SENP2: variants seen among roughly 807,000 people sequenced by gnomAD.
SENP2 encodes the protein SUMO specific peptidase 2, also known as sentrin-specific protease 2.
SENP2 carries 16 observed loss-of-function variants against 86.3 expected under a neutral mutation model. The ratio of observed to expected loss-of-function variants is 0.19; its 90% CI spans 0.13 to 0.28. The LOEUF is 0.28. Ranked by LOEUF, SENP2 falls within the 10% of genes least tolerant of loss-of-function variation. The probability of loss-of-function intolerance (pLI) is 1.00; values close to 1 mark genes in which losing one functional copy is unlikely to be tolerated. For missense variants in SENP2, 552 were observed against 703.0 expected (o/e 0.79, Z 2.43); for synonymous variants, 222 against 238.7 (o/e 0.93, Z 0.64).
At chr3:185,624,766 G>A (rs1312845221) in intron 15 of SENP2, among the ~76,000 whole-genome samples, 1 of 151,692 alleles carries the variant, frequency 6.6e-6, no homozygotes, top group Non-Finnish European at 1.5e-5. Flanking sequence ...TATTCAGGAG[G>A]CTGAAGCAGG....
chr3:185,622,684 C>T (rs75374456), intron 14 of SENP2, among the ~76,000 whole-genome samples: 13,017 of 151,916 alleles, frequency 0.086, 870 homozygotes, highest in South Asian at 0.34. Flanking sequence ...ATAAATTGTG[C>T]GCACATACAT....
intron 6 of SENP2, 114 bp downstream of exon 6, chr3:185,606,612 A>T: frequency 1.1e-6 from 1 of 910,250 alleles, no homozygotes; most frequent in Admixed American, 2.9e-5. Context: ...AGGTTTTCCT[A>T]CAATACAGCC....
intron 7 of SENP2, among the ~76,000 whole-genome samples, chr3:185,610,875 G>A (rs1033670293): frequency 4.0e-5 from 6 of 151,840 alleles, no homozygotes; most frequent in Non-Finnish European, 7.4e-5. Context: ...GGAGAATGGC[G>A]TGAACCCGGG....
At chr3:185,588,721 G>A (rs550032115) in intron 1 of SENP2, among the ~76,000 whole-genome samples, 3 of 152,146 alleles carry the variant, frequency 2.0e-5, no homozygotes, top group South Asian at 2.1e-4. Context: ...TGAGAACGTG[G>A]TGTAAAGTGC....
At chr3:185,623,670 AC>A (rs1390328762) in intron 14 of SENP2, among the ~76,000 whole-genome samples, 1 of 151,914 alleles carries the variant, frequency 6.6e-6, no homozygotes, top group African/African-American at 2.4e-5. Context: ...TAAGAAAAAT[AC>A]AAAAAATTAG....
chr3:185,592,011 CTTTTTTTTTTTTTTTTT>C (rs149268515), intron 2 of SENP2, among the ~76,000 whole-genome samples: 1 of 65,804 alleles, frequency 1.5e-5, no homozygotes, highest in Non-Finnish European at 2.7e-5. Context: ...GGTAATATTT[CTTTTTTTTTTTTTTTTT>C]TTTTTTGAGA....
At chr3:185,614,862 C>G (rs949995409) in intron 11 of SENP2, 122 bp downstream of exon 11, 25 of 864,706 alleles carry the variant, frequency 2.9e-5, no homozygotes, top group South Asian at 1.6e-4. Context: ...GAAAACATGT[C>G]AGGTCCATGG....
rs975884982 is a variant in SENP2 at position 185,631,719 on chromosome 3, C to G, written c.*1875C>G. The G allele has an allele frequency of 1.1e-4, 15 of 138,814 alleles. No homozygotes were observed. Among genetic ancestry groups the G allele is most frequent in the African/African-American group, 3.8e-4 (14 of 36,474 alleles). 8.6% of individuals were successfully genotyped at this position (138,814 alleles called of 1,614,324 possible). A position where few individuals can be genotyped will look rare whatever the true frequency, so the allele number is the denominator to read the frequency against. On this transcript the variant is annotated 3_prime_UTR_variant, in exon 17 of 17. Transcript: ENST00000296257. Reference sequence around the variant, plus strand: ...AAAGGCCAGAGGTTCACTAGGTCAGCATCATACCAAACGCCTGGCTTTCAC... The same window carrying G: ...AAAGGCCAGAGGTTCACTAGGTCAGGATCATACCAAACGCCTGGCTTTCAC...
At position 185,614,590 on chromosome 3, in the gene SENP2, C is replaced by T; in HGVS notation, c.960C>T (p.Asp320=). 1 of 1,613,832 alleles carries T rather than the reference C, an allele frequency of 6.2e-7. No homozygotes were observed. Among genetic ancestry groups the T allele is most frequent in the Non-Finnish European group, 8.5e-7 (1 of 1,179,904 alleles). ...GGAGGGGATACCAACTGGAGCCTGA[C>T]CTATCAGAAGAAGTGTCGGCCCGAC... ...ESRRGYQLEP[D]LSEEVSARLR... is the part of the protein sequence containing the mutation. Residue 320 remains aspartate (D), a synonymous_variant, in exon 11 of 17, where the codon GAC becomes GAT. Coordinates refer to ENST00000296257, the MANE Select transcript of SENP2 (RefSeq NM_021627.3).
At chr3:185,628,100 G>T (rs547540474) in intron 16 of SENP2, among the ~76,000 whole-genome samples, 1 of 152,036 alleles carries the variant, frequency 6.6e-6, no homozygotes, top group African/African-American at 2.4e-5. Flanking sequence ...AGACTTTTTA[G>T]CCCCCACCCC....
At chr3:185,606,063 G>A (rs986356344) in intron 5 of SENP2, among the ~76,000 whole-genome samples, 10 of 152,160 alleles carry the variant, frequency 6.6e-5, no homozygotes, top group Non-Finnish European at 1.3e-4. Context: ...GCTAAATCTA[G>A]AGTTGGGGTT....
chr3:185,629,963 G>A lies in SENP2; in HGVS notation c.*119G>A. The stretch of plus-strand genomic sequence containing the variant: ...CTTCTGTTCTCACAGGTACTGAGCT[G>A]TCAAAAGTGCATGAAGGCCTCTCAC... On this transcript the variant is annotated 3_prime_UTR_variant, in exon 17 of 17. Coordinates refer to ENST00000296257, the MANE Select transcript of SENP2 (RefSeq NM_021627.3). The A allele has an allele frequency of 1.0e-6, 1 of 998,584 alleles. No individual in the cohort carries two copies. Among genetic ancestry groups the A allele is most frequent in the Non-Finnish European group, 1.5e-6 (1 of 648,466 alleles). The allele number at this position is 998,584 out of a possible 1,614,324, so 61.9% of individuals were successfully genotyped here.
Position 185,625,113 on chromosome 3 carries a change from AT to A in SENP2, c.1611+1047del, listed in dbSNP as rs776466200. Among the ~76,000 whole-genome samples the A allele has an allele frequency of 7.0e-3, 997 of 142,816 alleles. 1 individual carries two copies. The highest frequency in any genetic ancestry group is 0.016 in the African/African-American group (610 of 39,096). The allele number at this position is 142,816 out of a possible 152,430, so 93.7% of individuals were successfully genotyped here. A position where few individuals can be genotyped will look rare whatever the true frequency, so the allele number is the denominator to read the frequency against. On this transcript the variant is annotated intron_variant, in intron 15 of 16. Coordinates refer to ENST00000296257, the MANE Select transcript of SENP2 (RefSeq NM_021627.3). Reference sequence around the variant, plus strand: ...GTATGGGTGGTATGTATTTAAGCAAATTTTTTTTTTTTTTTTGAGACGGAGT... The same window carrying A: ...GTATGGGTGGTATGTATTTAAGCAAATTTTTTTTTTTTTTTGAGACGGAGT...
chr3:185,592,007 A>ATTTTTTTTTTTTTTTTTTTTT, intron 2 of SENP2, among the ~76,000 whole-genome samples: 1 of 35,078 alleles, frequency 2.9e-5, no homozygotes. Flanking sequence ...AACCGGTAAT[A>ATTTTTTTTTTTTTTTTTTTTT]TTTCTTTTTT....
rs780571182 is a variant in SENP2 at position 185,586,440 on chromosome 3, C to T, written c.27C>T (p.Leu9=). The change falls in exon 1 of 17, where the codon CTC becomes CTT. Residue 9 remains leucine, a synonymous_variant. Transcript: ENST00000296257. This position sits in a 1 kb window ranked among gnomAD's most constrained non-coding sequence, Gnocchi z 4.3. Reference sequence around the variant, plus strand: ...TGTACAGATGGCTGGTTAGGATTCTCGGCACCATTTTCCGTTTCTGCGACC... The same window carrying T: ...TGTACAGATGGCTGGTTAGGATTCTTGGCACCATTTTCCGTTTCTGCGACC... MYRWLVRI[L]GTIFRFCDRS... 3.1e-6 allele frequency: 5 copies of T among 1,614,072 alleles called. No individual in the cohort carries two copies. The highest frequency in any genetic ancestry group is 2.5e-6 in the Non-Finnish European group (3 of 1,180,010).
At chr3:185,609,611 T>G (rs1722621052) in intron 7 of SENP2, among the ~76,000 whole-genome samples, 1 of 152,088 alleles carries the variant, frequency 6.6e-6, no homozygotes. Context: ...GGATCACTGG[T>G]TGAAGTAGGG....
chr3:185,621,157 A>G (rs1382802687), intron 13 of SENP2, among the ~76,000 whole-genome samples: 3 of 62,062 alleles, frequency 4.8e-5, no homozygotes, highest in Admixed American at 1.7e-4. Context: ...ATCTTGTCTC[A>G]AAAAAAAAAA....
intron 2 of SENP2, 67 bp from the exon 3 acceptor site, chr3:185,598,345 A>C: frequency 6.6e-7 from 1 of 1,507,008 alleles, no homozygotes; most frequent in Non-Finnish European, 9.1e-7. Flanking sequence ...GCTCTTTCCA[A>C]GATATCATTT....
intron 12 of SENP2, 35 bp downstream of exon 12, chr3:185,617,646 T>C (rs1711672841): frequency 6.3e-7 from 1 of 1,588,182 alleles, no homozygotes; most frequent in Admixed American, 1.7e-5. Context: ...TGGCTATCAT[T>C]AAGTTTATTT....
Sources: allele counts gnomAD v4.1 joint callset (sites outside exome capture counted in the v4.1 genomes callset), GRCh38; gene constraint gnomAD v4.1.1; non-coding constraint Gnocchi (gnomAD v3.1); transcripts MANE v1.5; gene names NCBI Gene and HGNC (gene_info 2026-07-23, HGNC 2026-07-21).